RAI14: variants seen among roughly 807,000 people sequenced by gnomAD.
RAI14 encodes the protein retinoic acid induced 14, also known as ankycorbin.
A neutral mutation model predicts 115.4 loss-of-function variants in RAI14; 45 were observed. The observed-to-expected ratio is 0.39, with a 90% CI of 0.31 to 0.50. The LOEUF (loss-of-function observed/expected upper bound fraction) is 0.50. Ranked by LOEUF, RAI14 falls within the 20% of genes least tolerant of loss-of-function variation. The pLI is 0.85. For synonymous variants in RAI14, 371 were observed against 415.4 expected, an observed-to-expected ratio of 0.89 and a Z score of 1.30; for missense variants, 939 against 1,131.2, an observed-to-expected ratio of 0.83 and a Z score of 2.44.
intron 2 of RAI14, among the ~76,000 whole-genome samples, chr5:34,748,426 G>A (rs1746568007): frequency 6.6e-6 from 1 of 152,124 alleles, no homozygotes; most frequent in African/African-American, 2.4e-5. Flanking sequence ...TCAACTTGTT[G>A]TTTATGCTCT....
intron 4 of RAI14, among the ~76,000 whole-genome samples, chr5:34,802,759 G>T (rs960571465): frequency 6.6e-6 from 1 of 152,170 alleles, no homozygotes; most frequent in Non-Finnish European, 1.5e-5. Flanking sequence ...TGCTATGAAG[G>T]ATAAAGAAAT....
Position 34,687,033 on chromosome 5 carries a change from A to G in RAI14, c.36+78A>G, listed in dbSNP as rs1009103925. ...CAGAAACGCTCCTCCCCACCTTGAT[A>G]AGGCGCTGTTGGGTTAATAAACTAC... On this transcript the variant is annotated intron_variant, in intron 2 of 17. Coordinates refer to ENST00000265109, the MANE Select transcript of RAI14 (RefSeq NM_015577.3). 5 of 1,522,674 alleles carry G rather than the reference A, an allele frequency of 3.3e-6. No homozygotes were observed. The African/African-American group carries it at 5.5e-5, about 17-fold the overall frequency. The allele number at this position is 1,522,674 out of a possible 1,614,324, so 94.3% of individuals were successfully genotyped here. A position where few individuals can be genotyped will look rare whatever the true frequency, so the allele number is the denominator to read the frequency against.
intron 2 of RAI14, among the ~76,000 whole-genome samples, chr5:34,726,116 G>A (rs145613067): frequency 0.012 from 1,844 of 152,052 alleles, 14 homozygotes; most frequent in Middle Eastern, 0.02. Context: ...TGGCTCATGC[G>A]TATAATCCCA....
In RAI14 at chr5:34,756,301, A is replaced by G. The variant is rs556353765; in HGVS notation, c.37-1167A>G. Among the ~76,000 whole-genome samples the G allele has an allele frequency of 1.9e-4, 29 of 152,260 alleles. 2 individuals are homozygous for G. In the South Asian group the frequency reaches 5.4e-3, roughly 28 times the overall value. ...CTTCTTTTTAGTTTTTAAATCTACA[A>G]TATCTCCTCTGTCTGCTTCCTTTTA... On this transcript the variant is annotated intron_variant, in intron 2 of 17. Transcript: ENST00000265109.
chr5:34,668,884 G>T (rs1483229973), intron 1 of RAI14, among the ~76,000 whole-genome samples: 1 of 151,784 alleles, frequency 6.6e-6, no homozygotes, highest in East Asian at 1.9e-4. Flanking sequence ...TTGAGATAGA[G>T]TCTCGCTCTG....
intron 2 of RAI14, among the ~76,000 whole-genome samples, chr5:34,707,741 T>C (rs906639129): frequency 2.6e-5 from 4 of 152,240 alleles, no homozygotes; most frequent in Admixed American, 6.5e-5. Context: ...ATGACATTTC[T>C]TGTAATCTCT....
At position 34,731,671 on chromosome 5, in the gene RAI14, C is replaced by T. The variant is rs188567170; in HGVS notation, c.37-25797C>T. ...AACAAAAAGAAAAAAAGGTAATAAG[C>T]ATCTCAGAACTCATCTGGGGAAAAA... On this transcript the variant is annotated intron_variant, in intron 2 of 17. Transcript: ENST00000265109. Among the ~76,000 whole-genome samples the T allele has an allele frequency of 3.9e-5, 6 of 152,236 alleles. No individual in the cohort carries two copies. In the East Asian group the frequency reaches 1.2e-3, roughly 29 times the overall value.
chr5:34,660,467 T>C (rs1742605363), intron 1 of RAI14, among the ~76,000 whole-genome samples: 1 of 152,134 alleles, frequency 6.6e-6, no homozygotes, highest in Admixed American at 6.5e-5. Flanking sequence ...AAAGTGGCTC[T>C]TCATTGTAAA....
chr5:34,809,145 C>A (rs531542416), intron 7 of RAI14, among the ~76,000 whole-genome samples: 3 of 152,194 alleles, frequency 2.0e-5, no homozygotes, highest in African/African-American at 7.2e-5. Context: ...ACCCTTTTCC[C>A]ATTTGCTCCA....
At chr5:34,744,956 G>A (rs1745978535) in intron 2 of RAI14, among the ~76,000 whole-genome samples, 1 of 152,196 alleles carries the variant, frequency 6.6e-6, no homozygotes, top group Admixed American at 6.5e-5. Context: ...CATAATTCCA[G>A]TCTCTGCCTC....
At chr5:34,723,617 G>A (rs1580030588) in intron 2 of RAI14, among the ~76,000 whole-genome samples, 3 of 152,144 alleles carry the variant, frequency 2.0e-5, no homozygotes, top group Admixed American at 2.0e-4. Context: ...AACATTAACC[G>A]TCGCATAGTG....
intron 3 of RAI14, among the ~76,000 whole-genome samples, chr5:34,767,595 C>G (rs1749574509): frequency 7.8e-6 from 1 of 128,812 alleles, no homozygotes; most frequent in Admixed American, 7.9e-5. Flanking sequence ...GCCACCGCCC[C>G]CACCACCCCC....
At chr5:34,670,040 C>G (rs1256222917) in intron 1 of RAI14, among the ~76,000 whole-genome samples, 4 of 152,206 alleles carry the variant, frequency 2.6e-5, no homozygotes, top group Non-Finnish European at 5.9e-5. Context: ...AATAAAGATG[C>G]TACTCCATTC....
At chr5:34,759,411 CCTCTGTATTTACAGCCA>C (rs748704206) in intron 3 of RAI14, among the ~76,000 whole-genome samples, 27 of 152,204 alleles carry the variant, frequency 1.8e-4, no homozygotes, top group Admixed American at 9.8e-4. Flanking sequence ...AGCAAAGCTT[CCTCTGTATTTACAGCCA>C]CTCCCCATTG....
chr5:34,674,936 C>T (rs536490599), intron 1 of RAI14, among the ~76,000 whole-genome samples: 2 of 146,050 alleles, frequency 1.4e-5, no homozygotes, highest in South Asian at 2.2e-4. Context: ...CTCGCTTTGT[C>T]ACCAGGCCTG....
chr5:34,786,600 C>G (rs1752330703), intron 3 of RAI14, among the ~76,000 whole-genome samples: 1 of 152,178 alleles, frequency 6.6e-6, no homozygotes, highest in Admixed American at 6.5e-5. Flanking sequence ...CAGTTGTTAC[C>G]CTGATGCTTC....
intron 3 of RAI14, among the ~76,000 whole-genome samples, chr5:34,772,084 T>C (rs1273029209): frequency 6.6e-6 from 1 of 152,144 alleles, no homozygotes; most frequent in Non-Finnish European, 1.5e-5. Context: ...AATTTATTTT[T>C]GTACTTTTTG....
intron 2 of RAI14, among the ~76,000 whole-genome samples, chr5:34,697,133 A>G (rs1315051057): frequency 6.6e-6 from 1 of 150,688 alleles, no homozygotes; most frequent in Admixed American, 6.6e-5. Context: ...TCCATCTCAA[A>G]AAATAATAAT....
At chr5:34,707,140 A>T (rs1740790263) in intron 2 of RAI14, among the ~76,000 whole-genome samples, 1 of 152,216 alleles carries the variant, frequency 6.6e-6, no homozygotes, top group Admixed American at 6.5e-5. Flanking sequence ...CCTGCAAGTC[A>T]GTTAGCCTCC....
Sources: gnomAD v4.1 joint callset for allele counts (sites outside exome capture counted in the v4.1 genomes callset) on GRCh38, gnomAD v4.1.1 for gene constraint, MANE v1.5 for transcripts, NCBI Gene and HGNC (gene_info 2026-07-23, HGNC 2026-07-21) for gene names.